DNAJB1: variants seen among roughly 807,000 people sequenced by gnomAD.
The protein encoded by DNAJB1 is DnaJ heat shock protein family (Hsp40) member B1.
DNAJB1 carries 14 observed loss-of-function variants against 24.0 expected under a neutral mutation model. That is an observed-to-expected ratio of 0.58 (90% CI 0.39 to 0.91). The LOEUF (loss-of-function observed/expected upper bound fraction) is 0.91. DNAJB1 is among the 40% of genes least tolerant of loss of function. The pLI, the probability that DNAJB1 is intolerant of heterozygous loss-of-function variation, is 0.00. For synonymous variants in DNAJB1, 262 were observed against 174.4 expected (o/e 1.50, Z -3.96); for missense variants, 517 against 458.1 (o/e 1.13, Z -1.17).
intron 2 of DNAJB1, 117 bp from the exon 3 acceptor site, chr19:14,516,287 C>G: frequency 1.5e-6 from 2 of 1,317,240 alleles, no homozygotes; most frequent in Non-Finnish European, 2.1e-6. Flanking sequence ...GACCTGGCCC[C>G]CAAATCTACA....
intron 1 of DNAJB1, among the ~76,000 whole-genome samples, chr19:14,544,497 C>T (rs1025392778): frequency 1.3e-5 from 2 of 152,018 alleles, no homozygotes; most frequent in South Asian, 2.1e-4. Context: ...TCGGGGTGTG[C>T]GGCCATTCTA....
intron 1 of DNAJB1, 46 bp from the exon 2 acceptor site, chr19:14,517,092 C>A: frequency 6.5e-7 from 1 of 1,543,822 alleles, no homozygotes. Context: ...ACAGCAGACT[C>A]TCTCTCGAGC....
chr19:14,522,698 A>ACACACACACT, upstream of DNAJB1, among the ~76,000 whole-genome samples: 1 of 150,164 alleles, frequency 6.7e-6, no homozygotes, highest in South Asian at 2.2e-4. Flanking sequence ...ACACACACAC[A>ACACACACACT]CACACACACA....
At chr19:14,551,944 T>C (rs1453047019), upstream of DNAJB1, among the ~76,000 whole-genome samples, 5 of 39,714 alleles carry the variant, frequency 1.3e-4, no homozygotes, top group Non-Finnish European at 1.9e-4. Flanking sequence ...TCTCCCTCCC[T>C]CCCTCTCTCT....
chr19:14,515,746 C>A lies in DNAJB1; in HGVS notation c.*194G>T. On this transcript the variant is annotated 3_prime_UTR_variant, in exon 3 of 3. Transcript: ENST00000254322. The stretch of plus-strand genomic sequence containing the variant: ...TCCTGCTGTTCCCACCACCTGATGC[C>A]CTATAGCTCGAAAAACCACTGAAGT... The A allele has an allele frequency of 1.7e-6, 1 of 575,122 alleles. No homozygotes were observed. The highest frequency in any genetic ancestry group is 2.4e-5 in the South Asian group (1 of 42,502). The allele number at this position is 575,122 out of a possible 1,614,324, so 35.6% of individuals were successfully genotyped here.
At chr19:14,540,669 G>C (rs1202227267) in intron 1 of DNAJB1, among the ~76,000 whole-genome samples, 2 of 152,086 alleles carry the variant, frequency 1.3e-5, no homozygotes, top group Non-Finnish European at 2.9e-5. Context: ...TGGGATTACA[G>C]GCATGAGCCA....
chr19:14,517,127 G>A, intron 1 of DNAJB1, 81 bp from the exon 2 acceptor site: 2 of 1,443,684 alleles, frequency 1.4e-6, no homozygotes, highest in Non-Finnish European at 1.9e-6. Context: ...GAAACAGCTT[G>A]GAAGCCATGG....
At chr19:14,528,403 C>A (rs2072485160) in intron 1 of DNAJB1, among the ~76,000 whole-genome samples, 1 of 151,836 alleles carries the variant, frequency 6.6e-6, no homozygotes, top group African/African-American at 2.4e-5. Flanking sequence ...CCACGCCCGG[C>A]TAATTTTTGT....
chr19:14,557,127 T>TTATG (rs566772231), intron 1 of DNAJB1, among the ~76,000 whole-genome samples: 154 of 119,144 alleles, frequency 1.3e-3, no homozygotes, highest in African/African-American at 5.6e-3. Context: ...ATTTATTTAT[T>TTATG]TATTTATTTA....
At chr19:14,526,993 C>T (rs1443721852) in intron 2 of DNAJB1, among the ~76,000 whole-genome samples, 1 of 151,684 alleles carries the variant, frequency 6.6e-6, no homozygotes, top group Non-Finnish European at 1.5e-5. Context: ...CACTTGAGGC[C>T]AGGAGTTCCA....
chr19:14,551,967 C>CTCTCTCTT (rs1350649010), upstream of DNAJB1, among the ~76,000 whole-genome samples: 6 of 117,942 alleles, frequency 5.1e-5, no homozygotes, highest in Non-Finnish European at 7.0e-5. Context: ...CTCTCTCTCT[C>CTCTCTCTT]TCTCTTTCTC....
At chr19:14,523,628 T>G (rs1180055491) in intron 2 of DNAJB1, among the ~76,000 whole-genome samples, 2 of 151,088 alleles carry the variant, frequency 1.3e-5, no homozygotes, top group Non-Finnish European at 3.0e-5. Flanking sequence ...TTGTTTTTTT[T>G]TTTTTTTGAG....
chr19:14,552,334 T>G (rs1395950966), upstream of DNAJB1, among the ~76,000 whole-genome samples: 1 of 148,108 alleles, frequency 6.8e-6, no homozygotes, highest in Non-Finnish European at 1.5e-5. Flanking sequence ...GTGCCCGGCC[T>G]GCCTTTTCCT....
rs747503834 is a variant in DNAJB1, at chr19:14,555,438, C to CTT, written c.-2165-1122_-2165-1121dup. Among the ~76,000 whole-genome samples, 167 of 92,880 alleles carry CTT rather than the reference C, an allele frequency of 1.8e-3. 5 individuals carry two copies. Among genetic ancestry groups the CTT allele is most frequent in the Non-Finnish European group, 2.8e-3 (129 of 46,820 alleles). 60.9% of individuals were successfully genotyped at this position (92,880 alleles called of 152,430 possible). A position where few individuals can be genotyped will look rare whatever the true frequency, so the allele number is the denominator to read the frequency against. On this transcript the variant is annotated intron_variant, in intron 1 of 5. Coordinates refer to the DNAJB1 transcript ENST00000679223. ...AAATTTTTTTGTATTTTTATTTATT[C>CTT]TTTTTTTTTTTTTTTTTTTTTTTTT...
chr19:14,551,140 C>T (rs1023612962), upstream of DNAJB1, among the ~76,000 whole-genome samples: 3 of 151,602 alleles, frequency 2.0e-5, no homozygotes, highest in African/African-American at 2.4e-5. Flanking sequence ...GGTGCGATCT[C>T]GGCTCACTGC....
chr19:14,548,819 C>G (rs2073390423), intron 1 of DNAJB1, among the ~76,000 whole-genome samples: 1 of 152,066 alleles, frequency 6.6e-6, no homozygotes, highest in South Asian at 2.1e-4. Context: ...AAGTGATCTG[C>G]TCACTTTGGC....
rs79499193 is a variant in DNAJB1, at chr19:14,550,111, G to A, written c.-214+97C>T. The stretch of plus-strand genomic sequence containing the variant: ...CTTTGCCAAGATGTGAGTTCCATGC[G>A]AGCAGGGATTTTTGTCTCTCCTTCT... On this transcript the variant is annotated intron_variant, in intron 1 of 3. Coordinates refer to the DNAJB1 transcript ENST00000676982. Among the ~76,000 whole-genome samples the A allele has an allele frequency of 8.0e-4, 121 of 152,010 alleles. 4 individuals are homozygous for A. In the South Asian group the frequency reaches 0.014, roughly 17 times the overall value.
chr19:14,550,656 C>T (rs2073467302), upstream of DNAJB1, among the ~76,000 whole-genome samples: 1 of 152,066 alleles, frequency 6.6e-6, no homozygotes, highest in African/African-American at 2.4e-5. Context: ...TGAGGGCTGG[C>T]CCCAGCGGCC....
upstream of DNAJB1, chr19:14,518,446 A>G (rs982253412): frequency 1.1e-5 from 11 of 1,025,738 alleles, no homozygotes; most frequent in Middle Eastern, 3.5e-4. Flanking sequence ...GGAAGCTTCC[A>G]GAGCCCGCCA....
Sources: allele counts gnomAD v4.1 joint callset (sites outside exome capture counted in the v4.1 genomes callset), GRCh38; gene constraint gnomAD v4.1.1; transcripts MANE v1.5; gene names NCBI Gene and HGNC (gene_info 2026-07-23, HGNC 2026-07-21).